Variants in ACAD11 observed in about 807,000 individuals in gnomAD.
The protein encoded by ACAD11 is acyl-CoA dehydrogenase family member 11.
A neutral mutation model predicts 102.2 loss-of-function variants in ACAD11; 83 were observed. That is an observed-to-expected ratio of 0.81 (90% CI 0.68 to 0.97). The LOEUF is 0.97. Among genes scored for constraint, ACAD11 ranks in the 50% least tolerant of loss-of-function variants. The pLI, the probability that ACAD11 is intolerant of heterozygous loss-of-function variation, is 0.00. For missense variants in ACAD11, 901 were observed against 951.7 expected (o/e 0.95, Z 0.70); for synonymous variants, 324 against 319.8 (o/e 1.01, Z -0.14).
chr3:132,619,335 A>C, intron 10 of ACAD11, 133 bp downstream of exon 10: 1 of 550,548 alleles, frequency 1.8e-6, no homozygotes, highest in Non-Finnish European at 3.1e-6. Flanking sequence ...TCTATTTATT[A>C]ACTTTCTTTT....
At chr3:132,574,100 A>AT (rs1937457525) in intron 17 of ACAD11, among the ~76,000 whole-genome samples, 1 of 152,152 alleles carries the variant, frequency 6.6e-6, no homozygotes, top group African/African-American at 2.4e-5. Flanking sequence ...TGGAAGGGAA[A>AT]TTTTTTACTA....
chr3:132,636,535 A>G (rs1025328846), intron 5 of ACAD11, among the ~76,000 whole-genome samples: 9 of 152,216 alleles, frequency 5.9e-5, no homozygotes, highest in African/African-American at 2.2e-4. Context: ...TGAAAAGATG[A>G]AGCTAGGAGT....
chr3:132,641,593 AGAAGAAGAAGAGGAG>A (rs1359309336), intron 4 of ACAD11, among the ~76,000 whole-genome samples: 94 of 117,650 alleles, frequency 8.0e-4, no homozygotes, highest in African/African-American at 2.9e-3. Context: ...AAGAAGAAGA[AGAAGAAGAAGAGGAG>A]GAAGAAGAGG....
chr3:132,582,409 A>G (rs936549967), intron 13 of ACAD11, among the ~76,000 whole-genome samples: 2 of 151,946 alleles, frequency 1.3e-5, no homozygotes, highest in East Asian at 1.9e-4. Flanking sequence ...ATGCTCTCAG[A>G]TATTTTTTCC....
At chr3:132,641,648 GAGGAGGAA>G (rs1940517538) in intron 4 of ACAD11, among the ~76,000 whole-genome samples, 1 of 147,390 alleles carries the variant, frequency 6.8e-6, no homozygotes, top group South Asian at 2.2e-4. Flanking sequence ...AGAGGAAGAA[GAGGAGGAA>G]GAAGAGGAGG....
chr3:132,581,544 G>A (rs112340727), intron 13 of ACAD11, among the ~76,000 whole-genome samples: 10 of 152,046 alleles, frequency 6.6e-5, no homozygotes, highest in African/African-American at 2.4e-4. Flanking sequence ...AGGAAAGAAA[G>A]TCAATAGAAG....
intron 13 of ACAD11, among the ~76,000 whole-genome samples, chr3:132,592,812 A>ATCT (rs1938136330): frequency 6.6e-6 from 1 of 152,194 alleles, no homozygotes; most frequent in Non-Finnish European, 1.5e-5. Flanking sequence ...ATGAAAAAAG[A>ATCT]TGTTCATTGT....
At chr3:132,573,351 C>A (rs1937438309) in intron 17 of ACAD11, among the ~76,000 whole-genome samples, 1 of 151,692 alleles carries the variant, frequency 6.6e-6, no homozygotes, top group African/African-American at 2.4e-5. Context: ...AAATATGCAC[C>A]CCATATTGAA....
chr3:132,590,528 T>C (rs1938032956), intron 13 of ACAD11, among the ~76,000 whole-genome samples: 1 of 152,202 alleles, frequency 6.6e-6, no homozygotes, highest in African/African-American at 2.4e-5. Flanking sequence ...ATTACAGGCA[T>C]GATCCACCGT....
chr3:132,563,669 T>G (rs973515339), intron 17 of ACAD11, among the ~76,000 whole-genome samples: 24 of 152,214 alleles, frequency 1.6e-4, no homozygotes, highest in African/African-American at 5.8e-4. Context: ...GAGGGTTGTT[T>G]CGTTTTGTTT....
At chr3:132,584,445 A>G (rs1263339803) in intron 13 of ACAD11, among the ~76,000 whole-genome samples, 1 of 152,038 alleles carries the variant, frequency 6.6e-6, no homozygotes, top group East Asian at 1.9e-4. Context: ...TTTTGAGCCT[A>G]TGTGTGTCTC....
Position 132,579,507 on chromosome 3 carries a change from T to C in ACAD11, c.1673A>G (p.Asn558Ser). The change falls in exon 14 of 20, where the codon AAT becomes AGT. Residue 558 changes from asparagine (N) to serine (S), a missense_variant. Asn to Ser is a conservative substitution (Grantham distance 46, BLOSUM62 1). Transcript: ENST00000264990. Reference protein sequence around the residue: ...KIAIVLGRTQNTSLSRHKQHS... With the variant: ...KIAIVLGRTQSTSLSRHKQHS... ...GTTTAATTACCTGGAGAGAGAAGTA[T>C]TTTGAGTTCTTCCCAAAACAATTGC... 1.2e-6 allele frequency: 2 copies of C among 1,613,012 alleles called. No individual in the cohort carries two copies. Among genetic ancestry groups the C allele is most frequent in the Non-Finnish European group, 1.7e-6 (2 of 1,179,304 alleles).
Position 132,639,528 on chromosome 3 carries a change from A to G in ACAD11, c.666T>C (p.Asp222=), listed in dbSNP as rs1940403318. The G allele has an allele frequency of 6.2e-7, 1 of 1,613,764 alleles. No individual in the cohort carries two copies. Among genetic ancestry groups the G allele is most frequent in the Non-Finnish European group, 8.5e-7 (1 of 1,179,946 alleles). Residue 222 remains aspartate, a synonymous_variant, in exon 5 of 20, where the codon GAT becomes GAC. Coordinates refer to ENST00000264990, the MANE Select transcript of ACAD11 (RefSeq NM_032169.5). The part of the protein sequence containing the change: ...NDNEENLIHG[D]FRLDNIVFHP... ...GGAAAACTATGTTATCTAGTCTGAA[A>G]TCTCCATGAATCAAATTCTCTTCAT...
chr3:132,656,165 C>T (rs1210830520), intron 1 of ACAD11, among the ~76,000 whole-genome samples: 1 of 152,150 alleles, frequency 6.6e-6, no homozygotes, highest in African/African-American at 2.4e-5. Context: ...GTAGCTGAAT[C>T]ATTTTCACTG....
At chr3:132,564,398 T>C (rs1937150609) in intron 17 of ACAD11, among the ~76,000 whole-genome samples, 1 of 152,228 alleles carries the variant, frequency 6.6e-6, no homozygotes, top group Non-Finnish European at 1.5e-5. Context: ...GGCCTGAAGA[T>C]TTCTTTTTTC....
At chr3:132,620,466 G>T (rs1939565819) in intron 9 of ACAD11, 1 of 152,106 alleles carries the variant, frequency 6.6e-6, no homozygotes, top group Non-Finnish European at 1.5e-5. Context: ...TCCAGAACAT[G>T]AGTTCAAAAT....
At chr3:132,642,193 A>G (rs1057268041) in intron 3 of ACAD11, 60 bp from the exon 4 acceptor site, 2 of 1,417,556 alleles carry the variant, frequency 1.4e-6, no homozygotes, top group African/African-American at 2.8e-5. Context: ...TGTCGAATAT[A>G]CTAGAAAAAC....
intron 13 of ACAD11, among the ~76,000 whole-genome samples, chr3:132,597,547 G>C (rs1427532531): frequency 1.3e-5 from 2 of 151,520 alleles, no homozygotes; most frequent in Non-Finnish European, 2.9e-5. Flanking sequence ...TTACTTGTCG[G>C]TAAAACTTTG....
At chr3:132,604,530 T>C (rs941375730) in intron 12 of ACAD11, among the ~76,000 whole-genome samples, 1 of 152,178 alleles carries the variant, frequency 6.6e-6, no homozygotes, top group East Asian at 1.9e-4. Context: ...CAAAATTTGG[T>C]ATAATTCTAA....
Sources: gnomAD v4.1 joint callset for allele counts (sites outside exome capture counted in the v4.1 genomes callset) on GRCh38, gnomAD v4.1.1 for gene constraint, MANE v1.5 for transcripts, NCBI Gene and HGNC (gene_info 2026-07-23, HGNC 2026-07-21) for gene names.